Variants in DAP3 observed in about 807,000 individuals in gnomAD.
DAP3 encodes small ribosomal subunit protein mS29.
Under a neutral mutation model 51.9 loss-of-function variants are expected in DAP3, and 28 were observed. That is an observed-to-expected ratio of 0.54 (90% CI 0.40 to 0.74). DAP3 has a LOEUF of 0.74. DAP3 is among the 30% of genes least tolerant of loss of function. DAP3 has a pLI of 0.00. For synonymous variants in DAP3, 170 were observed against 170.3 expected (o/e 1.00, Z 0.01); for missense variants, 458 against 483.5 (o/e 0.95, Z 0.49).
intron 2 of DAP3, among the ~76,000 whole-genome samples, chr1:155,710,716 G>A (rs1656591870): frequency 6.6e-6 from 1 of 152,108 alleles, no homozygotes; most frequent in South Asian, 2.1e-4. Flanking sequence ...CTAAAGATGA[G>A]ACTGGCTAGG....
In DAP3 at chr1:155,738,188, G is replaced by C; in HGVS notation, c.1143G>C (p.Leu381=). 1 of 1,614,260 alleles carries C rather than the reference G, an allele frequency of 6.2e-7. No homozygotes were observed. Among genetic ancestry groups the C allele is most frequent in the Non-Finnish European group, 8.5e-7 (1 of 1,180,044 alleles). Residue 381 remains leucine (L), a synonymous_variant, in exon 13 of 13, where the codon CTG becomes CTC. Transcript: ENST00000368336. ...CAGAAGAAGGGAAAAAAGAGCTGCT[G>C]TTCCTAAGTAACGCGAACCCCTCGC... ...APTEEGKKEL[L]FLSNANPSLL...
intron 1 of DAP3, among the ~76,000 whole-genome samples, chr1:155,697,076 C>A (rs922132022): frequency 4.6e-5 from 7 of 152,166 alleles, no homozygotes; most frequent in African/African-American, 1.7e-4. Context: ...TGAAATATAT[C>A]CTTTTTCTAG....
chr1:155,725,234 T>C (rs1658440540), intron 4 of DAP3, 148 bp from the exon 5 acceptor site: 2 of 632,076 alleles, frequency 3.2e-6, no homozygotes, highest in African/African-American at 3.7e-5. Context: ...ATTTTCAAAC[T>C]CAGTACCAAC....
At chr1:155,692,126 G>A (rs12125939) in intron 1 of DAP3, among the ~76,000 whole-genome samples, 1 of 141,892 alleles carries the variant, frequency 7.0e-6, no homozygotes, top group Non-Finnish European at 1.5e-5. Context: ...CGTATCTTTA[G>A]TTAGCTGGTG....
rs755607011 is a variant in DAP3 at position 155,731,448 on chromosome 1, A to G, written c.903+33A>G. 5.0e-6 allele frequency: 8 copies of G among 1,591,178 alleles called. No individual in the cohort carries two copies. The East Asian group carries it at 1.8e-4, about 36-fold the overall frequency. On this transcript the variant is annotated intron_variant, in intron 10 of 12. Transcript: ENST00000368336. ...CATATGATACCTCACACATTTCAGA[A>G]AGAAATGTATTATCATTTTAAACAT...
rs551863594 is a variant in DAP3, at chr1:155,728,140, C to T, written c.603+402C>T. On this transcript the variant is annotated intron_variant, in intron 7 of 12. Transcript: ENST00000368336. ...CCCTGTCTAGACCAGGGGCCTTCAA[C>T]TCTGGATATAAAGCAGAGTCACCTA... 2.0e-5 allele frequency among the ~76,000 whole-genome samples: 3 copies of T among 152,276 alleles called. No homozygotes were observed. The South Asian group carries it at 6.2e-4, about 32-fold the overall frequency.
chr1:155,720,103 A>C (rs1293093930), intron 3 of DAP3, among the ~76,000 whole-genome samples: 1 of 148,440 alleles, frequency 6.7e-6, no homozygotes, highest in Non-Finnish European at 1.5e-5. Flanking sequence ...TGGGAGGATC[A>C]CTTGAGCTCA....
rs1465445158 is a variant in DAP3, at chr1:155,721,566, A to G, written c.218A>G (p.Gln73Arg). 1 of 1,614,040 alleles carries G rather than the reference A, an allele frequency of 6.2e-7. No homozygotes were observed. The highest frequency in any genetic ancestry group is 1.7e-5 in the Admixed American group (1 of 59,968). ...GGTCAGCACTACAACATCTCCCCCC[A>G]GGATTTGGAGACTGTATTTCCCCAT... is the stretch of plus-strand genomic sequence containing the variant. The part of the protein sequence containing the change: ...HEGQHYNISP[Q>R]DLETVFPHGL... Residue 73 changes from glutamine (Q) to arginine (R), a missense_variant, in exon 4 of 13, where the codon CAG becomes CGG. Physicochemically the swap from Gln to Arg is conservative, Grantham distance 43. Transcript: ENST00000368336.
At chr1:155,735,118 A>G (rs1266204567) in intron 11 of DAP3, among the ~76,000 whole-genome samples, 3 of 149,696 alleles carry the variant, frequency 2.0e-5, no homozygotes, top group Admixed American at 6.7e-5. Flanking sequence ...GAAAAAAAAA[A>G]AAAAAGAAAA....
intron 11 of DAP3, among the ~76,000 whole-genome samples, chr1:155,734,287 A>G (rs1250757579): frequency 1.3e-5 from 2 of 151,764 alleles, no homozygotes; most frequent in African/African-American, 4.8e-5. Flanking sequence ...AGCTCACTGT[A>G]GCCTTGAGCA....
At chr1:155,710,444 CTG>C (rs1656555985) in intron 2 of DAP3, 1 of 152,120 alleles carries the variant, frequency 6.6e-6, no homozygotes, top group African/African-American at 2.4e-5. Context: ...ATTAGCTAGG[CTG>C]GTCTCGAACT....
chr1:155,718,221 A>T (rs911584455), intron 3 of DAP3, among the ~76,000 whole-genome samples: 2 of 152,110 alleles, frequency 1.3e-5, no homozygotes, highest in Non-Finnish European at 2.9e-5. Context: ...GCCTGTCTCT[A>T]CTAAAAATAC....
At chr1:155,736,882 G>T in intron 11 of DAP3, 64 bp from the exon 12 acceptor site, 1 of 1,279,992 alleles carries the variant, frequency 7.8e-7, no homozygotes, top group African/African-American at 1.5e-5. Flanking sequence ...TGCTTAAGTA[G>T]AGTCTGTCTG....
At chr1:155,695,404 CTGTTTCCACATAA>C (rs945464388) in intron 1 of DAP3, among the ~76,000 whole-genome samples, 5 of 152,176 alleles carry the variant, frequency 3.3e-5, no homozygotes, top group Non-Finnish European at 7.3e-5. Context: ...TGTCCTTGGC[CTGTTTCCACATAA>C]TTTGATAGTT....
At chr1:155,730,188 T>TAATATTCATATATGTATATATGTATATAG (rs1659077212) in intron 9 of DAP3, among the ~76,000 whole-genome samples, 1 of 147,904 alleles carries the variant, frequency 6.8e-6, no homozygotes, top group African/African-American at 2.5e-5. Flanking sequence ...TATGTATATA[T>TAATATTCATATATGTATATATGTATATAG]AATATTCATA....
chr1:155,715,888 A>G (rs768156849), intron 2 of DAP3, among the ~76,000 whole-genome samples: 28 of 152,144 alleles, frequency 1.8e-4, no homozygotes, highest in Non-Finnish European at 2.1e-4. Context: ...ATACTCCCTT[A>G]TTACATGTCT....
At chr1:155,688,138 C>G (rs1341263262), upstream of DAP3, 2 of 1,613,016 alleles carry the variant, frequency 1.2e-6, no homozygotes, top group Non-Finnish European at 1.7e-6. Flanking sequence ...CCAGGCTCCT[C>G]CGCTTCCCTG....
intron 1 of DAP3, among the ~76,000 whole-genome samples, chr1:155,698,685 T>C (rs1301953123): frequency 6.6e-6 from 1 of 152,234 alleles, no homozygotes; most frequent in Non-Finnish European, 1.5e-5. Context: ...CAAAGTTCTC[T>C]GTTCCGGGAA....
chr1:155,721,192 C>T (rs1189831141), intron 3 of DAP3, among the ~76,000 whole-genome samples: 2 of 151,514 alleles, frequency 1.3e-5, no homozygotes, highest in African/African-American at 2.4e-5. Flanking sequence ...AAAAATTAGC[C>T]GGGTGCGGTG....
Sources: gnomAD v4.1 joint callset for allele counts (sites outside exome capture counted in the v4.1 genomes callset) on GRCh38, gnomAD v4.1.1 for gene constraint, MANE v1.5 for transcripts, NCBI Gene and HGNC (gene_info 2026-07-23, HGNC 2026-07-21) for gene names.